DZANK1: variants seen among roughly 807,000 people sequenced by gnomAD.
The protein encoded by DZANK1 is double zinc ribbon and ankyrin repeat-containing protein 1.
In DZANK1, 91 loss-of-function variants were observed where a neutral mutation model predicts 94.5. The ratio of observed to expected loss-of-function variants is 0.96; its 90% CI spans 0.81 to 1.15. The LOEUF (loss-of-function observed/expected upper bound fraction) is 1.15, where lower values mean the gene tolerates loss of function less well. Among genes scored for constraint, DZANK1 ranks in the 50% most tolerant of loss-of-function variants. The probability of loss-of-function intolerance (pLI) is 0.00; values close to 1 mark genes in which losing one functional copy is unlikely to be tolerated. For missense variants in DZANK1, 903 were observed against 916.4 expected (o/e 0.99, Z 0.19); for synonymous variants, 312 against 325.3 (o/e 0.96, Z 0.44).
intron 13 of DZANK1, among the ~76,000 whole-genome samples, chr20:18,409,574 ACACACACAC>A (rs1357446144): frequency 2.4e-5 from 3 of 127,544 alleles, no homozygotes; most frequent in South Asian, 2.7e-4. Context: ...ACACACACAC[ACACACACAC>A]CACCACCACC....
intron 9 of DZANK1, among the ~76,000 whole-genome samples, chr20:18,430,762 C>T (rs2058251378): frequency 6.6e-6 from 1 of 152,076 alleles, no homozygotes; most frequent in Non-Finnish European, 1.5e-5. Context: ...TGCAATGAGC[C>T]ATGATCGTGC....
rs369603795 is a variant in DZANK1, at chr20:18,448,934, G to T, written c.629+50C>A. ...GTATCTTTAAATTCTCTTTGACCAT[G>T]ATGTATCTTTGTAGGATTTAAGGCA... On this transcript the variant is annotated intron_variant, in intron 7 of 20. Coordinates refer to ENST00000262547, the Ensembl canonical transcript of DZANK1. 6.1e-6 allele frequency: 8 copies of T among 1,315,630 alleles called. No homozygotes were observed. In the African/African-American group the frequency reaches 7.4e-5, roughly 12 times the overall value. 81.5% of individuals were successfully genotyped at this position (1,315,630 alleles called of 1,614,324 possible). A position where few individuals can be genotyped will look rare whatever the true frequency, so the allele number is the denominator to read the frequency against.
chr20:18,433,611 A>G (rs2058377706), intron 9 of DZANK1, 41 bp downstream of exon 9: 1 of 1,569,696 alleles, frequency 6.4e-7, no homozygotes, highest in Non-Finnish European at 8.8e-7. Context: ...AAACATTACT[A>G]TGTATTTCAT....
At chr20:18,396,604 A>C in intron 14 of DZANK1, 58 bp from the exon 15 acceptor site, 5 of 1,240,256 alleles carry the variant, frequency 4.0e-6, no homozygotes, top group Non-Finnish European at 5.8e-6. Context: ...CATTGCCTTA[A>C]GTAACAGTGT....
intron 13 of DZANK1, among the ~76,000 whole-genome samples, chr20:18,404,928 A>T (rs2056884605): frequency 6.6e-6 from 1 of 151,402 alleles, no homozygotes; most frequent in Non-Finnish European, 1.5e-5. Context: ...AAAAAAAAAA[A>T]TAGAAGAAAT....
chr20:18,459,974 G>A (rs1487377151), intron 3 of DZANK1, among the ~76,000 whole-genome samples, 179 bp downstream of exon 3: 2 of 151,972 alleles, frequency 1.3e-5, no homozygotes, highest in Admixed American at 6.6e-5. Flanking sequence ...TGCACCTTAC[G>A]GTATGCCTCA....
At chr20:18,416,068 C>T (rs1329015290) in intron 10 of DZANK1, among the ~76,000 whole-genome samples, 1 of 152,192 alleles carries the variant, frequency 6.6e-6, no homozygotes, top group Non-Finnish European at 1.5e-5. Context: ...CCACCATGTG[C>T]AGGCTCCATT....
In DZANK1 at chr20:18,401,283, G is replaced by T. The variant is rs11906413; in HGVS notation, c.1433-2657C>A. On this transcript the variant is annotated intron_variant, in intron 13 of 20. Coordinates refer to ENST00000262547, the Ensembl canonical transcript of DZANK1. ...AAATCTCAACTCTCAAAAAAGCACTGAGTAAGGACCTTGTGAGGAAGTCCT... is the reference window on the plus strand; with the variant it reads ...AAATCTCAACTCTCAAAAAAGCACTTAGTAAGGACCTTGTGAGGAAGTCCT... Among the ~76,000 whole-genome samples, 420 of 152,268 alleles carry T rather than the reference G, an allele frequency of 2.8e-3. 4 individuals carry two copies. The highest frequency in any genetic ancestry group is 9.6e-3 in the African/African-American group (399 of 41,540).
At position 18,465,378 on chromosome 20, in the gene DZANK1, C is replaced by CTATA. The variant is rs371169404; in HGVS notation, c.-19-2_-19-1insTATA. The CTATA allele has an allele frequency of 2.1e-5, 25 of 1,207,270 alleles. No individual in the cohort carries two copies. The highest frequency in any genetic ancestry group is 2.0e-4 in the Middle Eastern group (1 of 5,048). The allele number at this position is 1,207,270 out of a possible 1,614,324, so 74.8% of individuals were successfully genotyped here. On this transcript the variant is annotated splice_acceptor_variant, in intron 1 of 20. Coordinates refer to ENST00000262547, the Ensembl canonical transcript of DZANK1. LOFTEE classifies it low-confidence loss of function (5UTR_SPLICE). ...AGTCATTTTCTCTCTCTCTCTCTCT[C>CTATA]TCTATATATATATACATATAAATTC...
chr20:18,418,240 C>A (rs779099177), intron 10 of DZANK1, among the ~76,000 whole-genome samples: 1 of 152,012 alleles, frequency 6.6e-6, no homozygotes, highest in Non-Finnish European at 1.5e-5. Flanking sequence ...GTCTACATAG[C>A]GCATGTGAAG....
chr20:18,414,116 G>A (rs533747274), intron 12 of DZANK1, among the ~76,000 whole-genome samples: 3 of 152,340 alleles, frequency 2.0e-5, no homozygotes, highest in South Asian at 4.1e-4. Flanking sequence ...CAAGAGAAGT[G>A]CATTCTGTCT....
chr20:18,387,729 A>G (rs1164067965), intron 19 of DZANK1, among the ~76,000 whole-genome samples: 1 of 152,226 alleles, frequency 6.6e-6, no homozygotes, highest in Non-Finnish European at 1.5e-5. Flanking sequence ...TTTGTTGAAT[A>G]TGAGTTCATT....
chr20:18,435,016 C>T (rs2058461755), intron 8 of DZANK1, among the ~76,000 whole-genome samples: 1 of 152,170 alleles, frequency 6.6e-6, no homozygotes, highest in South Asian at 2.1e-4. Context: ...TGACAGGAGG[C>T]TATGCACATA....
chr20:18,449,160 A>C (rs2059001176), intron 6 of DZANK1, 91 bp from the exon 7 acceptor site: 1 of 1,024,788 alleles, frequency 9.8e-7, no homozygotes. Context: ...ATTAAAAATC[A>C]TTATGGGTGA....
At chr20:18,389,204 G>A (rs530930482) in intron 19 of DZANK1, among the ~76,000 whole-genome samples, 6 of 152,248 alleles carry the variant, frequency 3.9e-5, no homozygotes, top group African/African-American at 1.4e-4. Flanking sequence ...TTTGTATCAC[G>A]GGTGGGAAAG....
intron 10 of DZANK1, chr20:18,421,063 AC>A (rs2057757398): frequency 6.1e-6 from 1 of 164,770 alleles, no homozygotes; most frequent in Non-Finnish European, 1.3e-5. Context: ...TTTATAATGA[AC>A]CAGTATAGAA....
At chr20:18,384,973 C>A in intron 20 of DZANK1, 43 bp downstream of exon 20, 1 of 1,526,316 alleles carries the variant, frequency 6.6e-7, no homozygotes, top group Non-Finnish European at 8.9e-7. Flanking sequence ...TAGGGAGATC[C>A]CTGTGGCCCT....
chr20:18,455,376 TAAG>T lies in DZANK1; in HGVS notation c.264-18_264-16del. The T allele has an allele frequency of 1.3e-6, 2 of 1,553,884 alleles. No individual in the cohort carries two copies. The highest frequency in any genetic ancestry group is 1.7e-6 in the Non-Finnish European group (2 of 1,143,410). ...GTCTGCAGTCTCTGAAAATTATTAT[TAAG>T]AAAGGAAAAAGTCTGTGTTACACAA... On this transcript the variant is annotated splice_polypyrimidine_tract_variant and intron_variant, in intron 3 of 20. Coordinates refer to ENST00000262547, the Ensembl canonical transcript of DZANK1.
rs374724464 is a variant in DZANK1 at position 18,452,804 on chromosome 20, T to C, written c.476-122A>G. ...AATTATACATAATCATACAAAGATA[T>C]CTTCACAGCGGGAGACCTTTTAATA... On this transcript the variant is annotated intron_variant, in intron 5 of 20. Coordinates refer to ENST00000262547, the Ensembl canonical transcript of DZANK1. The C allele has an allele frequency of 4.8e-6, 7 of 1,462,710 alleles. No homozygotes were observed. The African/African-American group carries it at 8.6e-5, about 18-fold the overall frequency. The allele number at this position is 1,462,710 out of a possible 1,614,324, so 90.6% of individuals were successfully genotyped here. A position where few individuals can be genotyped will look rare whatever the true frequency, so the allele number is the denominator to read the frequency against.
Sources: gnomAD v4.1 joint callset for allele counts (sites outside exome capture counted in the v4.1 genomes callset) on GRCh38, gnomAD v4.1.1 for gene constraint, MANE v1.5 for transcripts, NCBI Gene and HGNC (gene_info 2026-07-23, HGNC 2026-07-21) for gene names.